The following CNIH3 variants were observed in gnomAD, a reference collection of about 807,000 sequenced individuals.
The protein encoded by CNIH3 is cornichon family AMPA receptor auxiliary protein 3.
Under a neutral mutation model 24.1 loss-of-function variants are expected in CNIH3, and 14 were observed. The ratio of observed to expected loss-of-function variants is 0.58; its 90% CI spans 0.38 to 0.91. CNIH3 has a LOEUF of 0.91. Among genes scored for constraint, CNIH3 ranks in the 40% least tolerant of loss-of-function variants. The probability of loss-of-function intolerance (pLI) is 0.00; values close to 1 mark genes in which losing one functional copy is unlikely to be tolerated. For synonymous variants in CNIH3, 68 were observed against 73.8 expected (o/e 0.92, Z 0.40); for missense variants, 178 against 196.8 (o/e 0.90, Z 0.57).
At chr1:224,611,146 C>A (rs544022166) in intron 3 of CNIH3, among the ~76,000 whole-genome samples, 1 of 152,274 alleles carries the variant, frequency 6.6e-6, no homozygotes, top group Admixed American at 6.5e-5. Context: ...TGTAGCAGAT[C>A]TCTGGAGAGG....
intron 1 of CNIH3, among the ~76,000 whole-genome samples, chr1:224,678,666 G>A (rs1686252231): frequency 6.6e-6 from 1 of 151,992 alleles, no homozygotes; most frequent in African/African-American, 2.4e-5. Context: ...TGCCTCTAAT[G>A]CAGTGCTGTC....
intron 1 of CNIH3, among the ~76,000 whole-genome samples, chr1:224,622,314 G>T (rs1683320944): frequency 6.6e-6 from 1 of 152,172 alleles, no homozygotes; most frequent in Non-Finnish European, 1.5e-5. Context: ...GGGGTATAGG[G>T]CCCTTCTTGA....
intron 1 of CNIH3, among the ~76,000 whole-genome samples, chr1:224,624,195 T>A (rs867628862): frequency 2.6e-4 from 39 of 152,346 alleles, no homozygotes; most frequent in South Asian, 6.2e-4. Flanking sequence ...CAGTGGTCTG[T>A]GGCAATCTCT....
chr1:224,672,510 A>G (rs1685918237), intron 1 of CNIH3, among the ~76,000 whole-genome samples: 1 of 152,178 alleles, frequency 6.6e-6, no homozygotes, highest in Non-Finnish European at 1.5e-5. Flanking sequence ...GTTCCCTCCA[A>G]ATGCTCTAAG....
In CNIH3 at chr1:224,708,844, T is replaced by G. The variant is rs141774225; in HGVS notation, c.199-21618T>G. Among the ~76,000 whole-genome samples the G allele has an allele frequency of 2.3e-3, 344 of 152,354 alleles. 1 individual carries two copies. Among genetic ancestry groups the G allele is most frequent in the African/African-American group, 7.8e-3 (323 of 41,574 alleles). On this transcript the variant is annotated intron_variant, in intron 3 of 5. Coordinates refer to ENST00000272133, the MANE Select transcript of CNIH3 (RefSeq NM_152495.2). Reference sequence around the variant, plus strand: ...CCTCTTGCTCTGTACTAAGAGTTGCTATTGGCAGCCTGTGGATCAGAGATG... The same window carrying G: ...CCTCTTGCTCTGTACTAAGAGTTGCGATTGGCAGCCTGTGGATCAGAGATG...
In CNIH3 at chr1:224,739,440, G is replaced by C; in HGVS notation, c.*84G>C. On this transcript the variant is annotated 3_prime_UTR_variant, in exon 6 of 6. Transcript: ENST00000272133. ...GCATTTCTGCTGGTGACTGGAGGAG[G>C]GACCAGAATGAGGATACGTGAGAAA... The C allele has an allele frequency of 6.3e-7, 1 of 1,578,622 alleles. No homozygotes were observed. Among genetic ancestry groups the C allele is most frequent in the South Asian group, 1.2e-5 (1 of 84,510 alleles).
At chr1:224,480,819 T>C (rs999238820) in intron 1 of CNIH3, among the ~76,000 whole-genome samples, 14 of 152,228 alleles carry the variant, frequency 9.2e-5, no homozygotes, top group African/African-American at 3.4e-4. Context: ...TCTGAGGAAG[T>C]TCCAAACTTT....
chr1:224,644,620 T>C (rs1684514260), intron 1 of CNIH3, among the ~76,000 whole-genome samples: 1 of 152,216 alleles, frequency 6.6e-6, no homozygotes, highest in African/African-American at 2.4e-5. Context: ...TTTTCATCCA[T>C]TCTTAAATTT....
At chr1:224,528,440 C>CACCT (rs1678930734) in intron 2 of CNIH3, among the ~76,000 whole-genome samples, 1 of 152,106 alleles carries the variant, frequency 6.6e-6, no homozygotes, top group African/African-American at 2.4e-5. Flanking sequence ...GCTCCCTTAG[C>CACCT]CACCTGAGTA....
rs189268703 is a variant in CNIH3, at chr1:224,667,679, G to A, written c.82-13279G>A. On this transcript the variant is annotated intron_variant, in intron 1 of 5. Transcript: ENST00000272133. ...TCTGCCAAGTGTCTGAGGGGATGTG[G>A]GACAGAGAATCCGCGGCTCTGCTGG... is the stretch of plus-strand genomic sequence containing the variant. Among the ~76,000 whole-genome samples the A allele has an allele frequency of 1.4e-3, 206 of 152,144 alleles. 1 individual carries two copies. The highest frequency in any genetic ancestry group is 4.5e-3 in the African/African-American group (188 of 41,506).
chr1:224,595,507 T>C (rs74963846), intron 3 of CNIH3, among the ~76,000 whole-genome samples: 7,680 of 152,272 alleles, frequency 0.05, 608 homozygotes, highest in African/African-American at 0.16. Flanking sequence ...TTTCTTTTCC[T>C]TGAAACACAA....
chr1:224,590,705 A>C (rs1572538259), downstream of CNIH3, among the ~76,000 whole-genome samples: 1 of 152,132 alleles, frequency 6.6e-6, no homozygotes, highest in South Asian at 2.1e-4. Context: ...CTCATCTTCC[A>C]ACACTATTGC....
intron 1 of CNIH3, among the ~76,000 whole-genome samples, chr1:224,487,899 CCTT>C (rs997435758): frequency 6.6e-6 from 1 of 152,148 alleles, no homozygotes; most frequent in African/African-American, 2.4e-5. Context: ...AAAACCCTTT[CCTT>C]CTTTATTGTT....
chr1:224,456,324 A>G (rs982776089), intron 1 of CNIH3, among the ~76,000 whole-genome samples: 3 of 152,128 alleles, frequency 2.0e-5, no homozygotes, highest in Non-Finnish European at 4.4e-5. Context: ...TCCCTTCCCT[A>G]GCCCCATAGC....
chr1:224,488,150 C>A (rs926831582), intron 1 of CNIH3, among the ~76,000 whole-genome samples: 2 of 151,808 alleles, frequency 1.3e-5, no homozygotes, highest in Non-Finnish European at 2.9e-5. Context: ...AGGTATAAGT[C>A]AAAAATCCTG....
chr1:224,650,126 A>C (rs1013735922), intron 1 of CNIH3, among the ~76,000 whole-genome samples: 1 of 152,170 alleles, frequency 6.6e-6, no homozygotes, highest in African/African-American at 2.4e-5. Context: ...TACACAACCT[A>C]AGTGTCCTAA....
At chr1:224,453,415 T>C (rs1675513018) in intron 1 of CNIH3, among the ~76,000 whole-genome samples, 1 of 152,008 alleles carries the variant, frequency 6.6e-6, no homozygotes. Flanking sequence ...CTTGAACTCC[T>C]AGGCTCAAGT....
At chr1:224,610,548 C>A (rs888699299) in intron 3 of CNIH3, among the ~76,000 whole-genome samples, 2 of 152,172 alleles carry the variant, frequency 1.3e-5, no homozygotes, top group Non-Finnish European at 2.9e-5. Flanking sequence ...TTTCCTGAGG[C>A]CTCCCCAGCC....
chr1:224,444,358 T>A (rs1038220602), intron 1 of CNIH3, among the ~76,000 whole-genome samples: 1 of 152,068 alleles, frequency 6.6e-6, no homozygotes, highest in Non-Finnish European at 1.5e-5. Context: ...GCATTTGGTT[T>A]TTTTTATTTT....
Sources: allele counts gnomAD v4.1 joint callset (sites outside exome capture counted in the v4.1 genomes callset), GRCh38; gene constraint gnomAD v4.1.1; transcripts MANE v1.5; gene names NCBI Gene and HGNC (gene_info 2026-07-23, HGNC 2026-07-21).